Variants in COL22A1 observed in about 807,000 individuals in gnomAD.
COL22A1 encodes the protein collagen alpha-1(XXII) chain.
A neutral mutation model predicts 248.9 loss-of-function variants in COL22A1; 221 were observed. The ratio of observed to expected loss-of-function variants is 0.89; its 90% CI spans 0.80 to 0.99. The LOEUF (loss-of-function observed/expected upper bound fraction) is 0.99, where lower values mean the gene tolerates loss of function less well. Among genes scored for constraint, COL22A1 ranks in the 50% least tolerant of loss-of-function variants. The pLI is 0.00. For missense variants in COL22A1, 2,240 were observed against 2,179.0 expected (o/e 1.03, Z -0.56); for synonymous variants, 891 against 793.4 (o/e 1.12, Z -2.07).
chr8:138,809,569 G>T (rs1818029208), intron 9 of COL22A1, among the ~76,000 whole-genome samples: 1 of 125,220 alleles, frequency 8.0e-6, no homozygotes, highest in Non-Finnish European at 1.6e-5. Context: ...TGCCCAGGCT[G>T]GAGTGCAATA....
At chr8:138,839,390 TC>T (rs1200017013) in intron 4 of COL22A1, among the ~76,000 whole-genome samples, 1 of 152,124 alleles carries the variant, frequency 6.6e-6, no homozygotes, top group African/African-American at 2.4e-5. Context: ...TGGGTTTCTT[TC>T]TTCAGGCAAT....
chr8:138,635,574 T>C (rs1821085992), intron 48 of COL22A1, among the ~76,000 whole-genome samples: 1 of 152,220 alleles, frequency 6.6e-6, no homozygotes, highest in Admixed American at 6.5e-5. Flanking sequence ...TGTTTCTCCA[T>C]GTGTAGAGGA....
At chr8:138,894,229 G>C (rs1825247679) in intron 1 of COL22A1, among the ~76,000 whole-genome samples, 1 of 152,192 alleles carries the variant, frequency 6.6e-6, no homozygotes, top group East Asian at 1.9e-4. Flanking sequence ...CCTGGGGCCA[G>C]TGGATGTTTA....
At chr8:138,636,473 A>G (rs895738515) in intron 48 of COL22A1, among the ~76,000 whole-genome samples, 11 of 149,450 alleles carry the variant, frequency 7.4e-5, no homozygotes, top group Admixed American at 1.3e-4. Flanking sequence ...GAAAGAAAAG[A>G]GAAGGAAGAA....
chr8:138,874,820 C>A (rs1005824741), intron 3 of COL22A1, among the ~76,000 whole-genome samples: 1 of 152,172 alleles, frequency 6.6e-6, no homozygotes, highest in Non-Finnish European at 1.5e-5. Flanking sequence ...CTTTCTTGCT[C>A]CTCTTTGCCT....
chr8:138,601,560 G>A (rs533255478), intron 60 of COL22A1, among the ~76,000 whole-genome samples: 1 of 152,144 alleles, frequency 6.6e-6, no homozygotes, highest in Admixed American at 6.5e-5. Context: ...GCAGTCGTGA[G>A]TGTGAGAACG....
intron 32 of COL22A1, among the ~76,000 whole-genome samples, chr8:138,697,001 C>T (rs1228822168): frequency 2.0e-5 from 3 of 152,182 alleles, no homozygotes; most frequent in African/African-American, 7.2e-5. Context: ...ACAGGGAAGA[C>T]ATTTGTACAG....
chr8:138,678,477 T>G (rs1825731051), intron 40 of COL22A1, among the ~76,000 whole-genome samples: 1 of 152,140 alleles, frequency 6.6e-6, no homozygotes, highest in Non-Finnish European at 1.5e-5. Context: ...ATCTGTTTCT[T>G]TAGAATAATA....
In COL22A1 at chr8:138,598,810, G is replaced by A. The variant is rs1339747295; in HGVS notation, c.4274C>T (p.Thr1425Ile). ...DPGIPGHKGH[T>I]GLMGPQGLPG... ...TAGTCCTTGGGGACCCATCAGGCCT[G>A]TGTGGCCTTTGTGGCCTGGGATTCC... Residue 1425 changes from threonine (T) to isoleucine (I), a missense_variant, in exon 61 of 65, where the codon ACA becomes ATA. By Grantham distance (89) the Thr-to-Ile change is moderately conservative. Coordinates refer to ENST00000303045, the MANE Select transcript of COL22A1 (RefSeq NM_152888.3). 1 of 1,614,200 alleles carries A rather than the reference G, an allele frequency of 6.2e-7. No individual in the cohort carries two copies. Among genetic ancestry groups the A allele is most frequent in the East Asian group, 2.2e-5 (1 of 44,868 alleles).
intron 4 of COL22A1, among the ~76,000 whole-genome samples, chr8:138,837,970 G>A (rs946765829): frequency 2.0e-5 from 3 of 152,260 alleles, no homozygotes; most frequent in Non-Finnish European, 1.5e-5. Context: ...ACCTTGAGGA[G>A]GGGCACAGAC....
rs753125375 is a variant in COL22A1, at chr8:138,649,679, T to G, written c.3433A>C (p.Thr1145Pro). The G allele has an allele frequency of 6.2e-7, 1 of 1,613,268 alleles. No individual in the cohort carries two copies. Among genetic ancestry groups the G allele is most frequent in the South Asian group, 1.1e-5 (1 of 90,940 alleles). Reference sequence around the variant, plus strand: ...TTTCTCCTTACCTTTTTCCCTTCTGTGCCTTCTCTCCCTGGCTTTCCTGGG... The same window carrying G: ...TTTCTCCTTACCTTTTTCCCTTCTGGGCCTTCTCTCCCTGGCTTTCCTGGG... Reference protein sequence around the residue: ...GVPGKPGREGTEGKKGEAGPP... With the variant: ...GVPGKPGREGPEGKKGEAGPP... Residue 1145 changes from threonine to proline, a missense_variant, in exon 46 of 65, where the codon ACA becomes CCA. Coordinates refer to ENST00000303045, the MANE Select transcript of COL22A1 (RefSeq NM_152888.3).
chr8:138,746,801 C>G (rs1832149016), intron 22 of COL22A1, among the ~76,000 whole-genome samples: 1 of 152,216 alleles, frequency 6.6e-6, no homozygotes, highest in Non-Finnish European at 1.5e-5. Flanking sequence ...TGGCATCCGA[C>G]CCGAACCAGG....
chr8:138,888,006 C>T (rs1469294253), intron 1 of COL22A1, among the ~76,000 whole-genome samples: 1 of 152,134 alleles, frequency 6.6e-6, no homozygotes, highest in East Asian at 1.9e-4. Flanking sequence ...GTGTATTTTC[C>T]CTTCTGTATA....
chr8:138,660,511 G>A (rs1381180100), intron 43 of COL22A1, 31 bp from the exon 44 acceptor site: 8 of 1,606,504 alleles, frequency 5.0e-6, no homozygotes, highest in Non-Finnish European at 6.0e-6. Context: ...AACATTAACT[G>A]TGATAAGCAC....
intron 32 of COL22A1, among the ~76,000 whole-genome samples, chr8:138,698,472 G>A (rs1048228058): frequency 6.6e-6 from 1 of 152,172 alleles, no homozygotes; most frequent in African/African-American, 2.4e-5. Context: ...CCAGGAAAAC[G>A]CCCGGAGCTG....
chr8:138,814,410 G>C (rs1261981231), intron 7 of COL22A1, among the ~76,000 whole-genome samples: 1 of 152,190 alleles, frequency 6.6e-6, no homozygotes. Context: ...ACTGGCTGCT[G>C]TCTTCAGTGT....
Position 138,703,321 on chromosome 8 carries a change from G to A in COL22A1, c.2544C>T (p.Pro848=), listed in dbSNP as rs147410805. The change falls in exon 31 of 65, where the codon CCC becomes CCT. Residue 848 remains proline, a synonymous_variant. Coordinates refer to ENST00000303045, the MANE Select transcript of COL22A1 (RefSeq NM_152888.3). ...EKGEAGPAGP[P]GLPGTTSLFT... ...AGTAACTTACAGTTCCAGGTAACCC[G>A]GGAGGGCCTGCAGGACCAGCTTCAC... 7.6e-5 allele frequency: 122 copies of A among 1,613,592 alleles called. 1 individual carries two copies. The highest frequency in any genetic ancestry group is 7.3e-4 in the African/African-American group (55 of 74,992).
intron 47 of COL22A1, among the ~76,000 whole-genome samples, chr8:138,640,778 C>A (rs1043877874): frequency 6.6e-6 from 1 of 152,186 alleles, no homozygotes; most frequent in African/African-American, 2.4e-5. Flanking sequence ...CATTATGAGA[C>A]AGATTGTACA....
chr8:138,770,891 C>G (rs1001643296), intron 16 of COL22A1, among the ~76,000 whole-genome samples: 2 of 152,220 alleles, frequency 1.3e-5, no homozygotes, highest in Non-Finnish European at 2.9e-5. Context: ...TTCTCTTTCT[C>G]TCTATCCTCA....
Sources: allele counts gnomAD v4.1 joint callset (sites outside exome capture counted in the v4.1 genomes callset), GRCh38; gene constraint gnomAD v4.1.1; transcripts MANE v1.5; gene names NCBI Gene and HGNC (gene_info 2026-07-23, HGNC 2026-07-21).